NELL1: variants seen among roughly 807,000 people sequenced by gnomAD.
The protein encoded by NELL1 is neural EGFL like 1.
NELL1 carries 76 observed loss-of-function variants against 107.4 expected under a neutral mutation model. That is an observed-to-expected ratio of 0.71 (90% CI 0.59 to 0.86). The LOEUF is 0.86. Among genes scored for constraint, NELL1 ranks in the 40% least tolerant of loss-of-function variants. The pLI is 0.00. For missense variants in NELL1, 1,024 were observed against 1,005.5 expected, an observed-to-expected ratio of 1.02 and a Z score of -0.25; for synonymous variants, 353 against 341.2, an observed-to-expected ratio of 1.03 and a Z score of -0.38.
chr11:21,184,247 A>C (rs747781329), intron 13 of NELL1, among the ~76,000 whole-genome samples: 47 of 151,388 alleles, frequency 3.1e-4, no homozygotes, highest in Non-Finnish European at 6.2e-4. Context: ...TTGGCATGCA[A>C]ATTGTTTGTT....
intron 14 of NELL1, among the ~76,000 whole-genome samples, chr11:21,360,682 G>A (rs1329357216): frequency 6.6e-6 from 1 of 152,030 alleles, no homozygotes; most frequent in Admixed American, 6.6e-5. Context: ...AGTATTAGGT[G>A]CATATGTATT....
intron 14 of NELL1, among the ~76,000 whole-genome samples, chr11:21,235,058 G>A (rs1468641754): frequency 6.6e-6 from 1 of 152,154 alleles, no homozygotes; most frequent in Non-Finnish European, 1.5e-5. Flanking sequence ...GAAGCCTTTG[G>A]CAAAAGTACT....
At position 21,519,957 on chromosome 11, in the gene NELL1, C is replaced by T. The variant is rs80185704; in HGVS notation, c.1646-14417C>T. 8.0e-3 allele frequency among the ~76,000 whole-genome samples: 1,212 copies of T among 152,130 alleles called. 13 individuals are homozygous for T. Among genetic ancestry groups the T allele is most frequent in the African/African-American group, 0.027 (1,140 of 41,472 alleles). ...TGACATTGACACCTTTTTAATTTAC[C>T]TTCTTGACAACAATAAATACCCATA... On this transcript the variant is annotated intron_variant, in intron 15 of 19. Transcript: ENST00000357134.
At chr11:20,928,543 T>A (rs1850550848) in intron 9 of NELL1, 64 bp downstream of exon 9, 1 of 1,324,366 alleles carries the variant, frequency 7.6e-7, no homozygotes, top group Admixed American at 1.8e-5. Context: ...TTATTTTCCC[T>A]GTTTTTCTGG....
At position 21,534,473 on chromosome 11, in the gene NELL1, A is replaced by C; in HGVS notation, c.1745A>C (p.His582Pro). Residue 582 changes from histidine (H) to proline (P), a missense_variant, in exon 16 of 20, where the codon CAT becomes CCT. Coordinates refer to ENST00000357134, the MANE Select transcript of NELL1 (RefSeq NM_006157.5). ...CACTGTGAGTGCAGAAGCGGTTTCCATGACGATGGGACCTATTCACTGTCC... is the reference window on the plus strand; with the variant it reads ...CACTGTGAGTGCAGAAGCGGTTTCCCTGACGATGGGACCTATTCACTGTCC... ...WYHCECRSGF[H>P]DDGTYSLSGE... 6.2e-7 allele frequency: 1 copy of C among 1,613,880 alleles called. No homozygotes were observed. The highest frequency in any genetic ancestry group is 8.5e-7 in the Non-Finnish European group (1 of 1,179,842).
intron 12 of NELL1, among the ~76,000 whole-genome samples, chr11:21,046,224 A>G (rs1269725930): frequency 6.6e-6 from 1 of 152,206 alleles, no homozygotes; most frequent in Non-Finnish European, 1.5e-5. Flanking sequence ...GAATATTTCT[A>G]AAATGTAAAA....
intron 5 of NELL1, among the ~76,000 whole-genome samples, chr11:20,913,326 TC>T (rs1288093212): frequency 4.6e-5 from 7 of 152,104 alleles, no homozygotes; most frequent in Non-Finnish European, 2.9e-5. Context: ...TAAACAGAGA[TC>T]TGCAGGGAAA....
intron 13 of NELL1, 135 bp downstream of exon 13, chr11:21,113,849 C>T (rs1480148242): frequency 4.7e-6 from 4 of 854,102 alleles, no homozygotes; most frequent in African/African-American, 3.5e-5. Flanking sequence ...CTTCACCCCA[C>T]CTTTTGAGAA....
chr11:20,862,157 G>A (rs1285285955), intron 4 of NELL1, among the ~76,000 whole-genome samples: 1 of 152,184 alleles, frequency 6.6e-6, no homozygotes, highest in East Asian at 1.9e-4. Context: ...TGGTAAGTAA[G>A]TGTTTAATAT....
At chr11:21,460,921 G>T (rs1465477158) in intron 15 of NELL1, among the ~76,000 whole-genome samples, 1 of 152,082 alleles carries the variant, frequency 6.6e-6, no homozygotes, top group Non-Finnish European at 1.5e-5. Context: ...TGTGATTGGG[G>T]TAATATAATT....
At chr11:21,204,129 T>C (rs1048286639) in intron 13 of NELL1, among the ~76,000 whole-genome samples, 1 of 152,172 alleles carries the variant, frequency 6.6e-6, no homozygotes, top group Non-Finnish European at 1.5e-5. Context: ...TGGTGGTCTC[T>C]GTATTTCCTG....
chr11:21,089,906 G>A (rs1854482806), intron 12 of NELL1, among the ~76,000 whole-genome samples: 1 of 152,156 alleles, frequency 6.6e-6, no homozygotes, highest in Admixed American at 6.5e-5. Flanking sequence ...ACAAGTGCGG[G>A]CAAACGAGGT....
intron 2 of NELL1, among the ~76,000 whole-genome samples, chr11:20,739,166 C>T (rs1267661579): frequency 6.6e-6 from 1 of 152,238 alleles, no homozygotes; most frequent in African/African-American, 2.4e-5. Flanking sequence ...CTGTTGGACG[C>T]ACTGCCTGAC....
At chr11:21,467,817 C>T (rs1247153457) in intron 15 of NELL1, among the ~76,000 whole-genome samples, 2 of 152,056 alleles carry the variant, frequency 1.3e-5, no homozygotes, top group East Asian at 1.9e-4. Context: ...ATGAGAATCC[C>T]TTGGAACTCC....
intron 13 of NELL1, among the ~76,000 whole-genome samples, chr11:21,221,657 G>A (rs1452460701): frequency 6.6e-6 from 1 of 152,056 alleles, no homozygotes; most frequent in Non-Finnish European, 1.5e-5. Context: ...AGGTTTTCCA[G>A]TTTGTTGGCA....
chr11:21,045,269 A>T (rs1204378160), intron 12 of NELL1, among the ~76,000 whole-genome samples: 1 of 152,124 alleles, frequency 6.6e-6, no homozygotes, highest in African/African-American at 2.4e-5. Flanking sequence ...GAGCTAGCAC[A>T]GTTTCTGGTT....
intron 12 of NELL1, among the ~76,000 whole-genome samples, chr11:21,105,039 G>A (rs1249317111): frequency 6.6e-6 from 1 of 152,100 alleles, no homozygotes; most frequent in Non-Finnish European, 1.5e-5. Context: ...ATATTGTGAG[G>A]TAGGGCTTCC....
At chr11:21,386,259 A>G (rs934705194) in intron 15 of NELL1, among the ~76,000 whole-genome samples, 1 of 150,734 alleles carries the variant, frequency 6.6e-6, no homozygotes, top group African/African-American at 2.4e-5. Flanking sequence ...CTGAAACACT[A>G]TTTTTCTTTT....
At chr11:20,937,319 C>T (rs12279116) in intron 9 of NELL1, among the ~76,000 whole-genome samples, 6,270 of 152,246 alleles carry the variant, frequency 0.041, 270 homozygotes, top group East Asian at 0.14. Context: ...GTATTTCTCA[C>T]GCCCACTCCC....
Sources: gnomAD v4.1 joint callset for allele counts (sites outside exome capture counted in the v4.1 genomes callset) on GRCh38, gnomAD v4.1.1 for gene constraint, MANE v1.5 for transcripts, NCBI Gene and HGNC (gene_info 2026-07-23, HGNC 2026-07-21) for gene names.